PLCB1: variants seen among roughly 807,000 people sequenced by gnomAD.
PLCB1 encodes 1-phosphatidylinositol 4,5-bisphosphate phosphodiesterase beta-1.
PLCB1 carries 46 observed loss-of-function variants against 161.8 expected under a neutral mutation model. The ratio of observed to expected loss-of-function variants is 0.28; its 90% CI spans 0.22 to 0.36. PLCB1 has a LOEUF of 0.36. PLCB1 is among the 10% of genes least tolerant of loss of function. PLCB1 has a pLI of 1.00. For synonymous variants in PLCB1, 517 were observed against 503.7 expected, an observed-to-expected ratio of 1.03 and a Z score of -0.35; for missense variants, 1,016 against 1,472.5, an observed-to-expected ratio of 0.69 and a Z score of 5.07.
At chr20:8,651,273 A>G (rs1989314005) in intron 7 of PLCB1, 1 of 577,894 alleles carries the variant, frequency 1.7e-6, no homozygotes, top group Non-Finnish European at 3.1e-6. Context: ...TTGAATTATA[A>G]AAGTATTGAG....
At chr20:8,468,798 A>G (rs997026645) in intron 3 of PLCB1, among the ~76,000 whole-genome samples, 4 of 152,206 alleles carry the variant, frequency 2.6e-5, no homozygotes, top group Admixed American at 1.3e-4. Flanking sequence ...TATTCACAAC[A>G]GTGCTATAAA....
chr20:8,830,825 G>A (rs1405888814), intron 31 of PLCB1, among the ~76,000 whole-genome samples: 2 of 152,178 alleles, frequency 1.3e-5, no homozygotes, highest in African/African-American at 4.8e-5. Flanking sequence ...GTCACAAGGA[G>A]TCCAGAATCC....
chr20:8,677,661 A>G (rs140552492), intron 9 of PLCB1, among the ~76,000 whole-genome samples: 5 of 152,154 alleles, frequency 3.3e-5, no homozygotes, highest in African/African-American at 1.2e-4. Context: ...ACCTGTTTTT[A>G]GGATGGTGAA....
intron 2 of PLCB1, among the ~76,000 whole-genome samples, chr20:8,285,932 A>T (rs920444280): frequency 6.6e-6 from 1 of 152,180 alleles, no homozygotes; most frequent in Non-Finnish European, 1.5e-5. Context: ...TTTCTCAAAT[A>T]TTGATGGTAT....
chr20:8,568,100 TG>T (rs1327084707), intron 3 of PLCB1, among the ~76,000 whole-genome samples: 1 of 152,200 alleles, frequency 6.6e-6, no homozygotes, highest in Admixed American at 6.6e-5. Context: ...AAATGGGTCA[TG>T]TATTCTTGGA....
chr20:8,517,769 T>C (rs7273511), intron 3 of PLCB1, among the ~76,000 whole-genome samples: 48,807 of 152,076 alleles, frequency 0.32, 8,700 homozygotes, highest in African/African-American at 0.48. Flanking sequence ...ATTCAGGTGC[T>C]ATACAAGGTC....
chr20:8,335,693 G>A (rs1029178358), intron 2 of PLCB1, among the ~76,000 whole-genome samples: 2 of 152,094 alleles, frequency 1.3e-5, no homozygotes, highest in Non-Finnish European at 1.5e-5. Context: ...TCTGCTTCAG[G>A]AATGCATATC....
At chr20:8,710,252 A>G (rs1600267385) in intron 12 of PLCB1, among the ~76,000 whole-genome samples, 1 of 152,190 alleles carries the variant, frequency 6.6e-6, no homozygotes, top group Middle Eastern at 3.4e-3. Context: ...ACTAAGAGAG[A>G]GTGGGGAGGT....
chr20:8,383,739 T>C (rs548327019), intron 3 of PLCB1, among the ~76,000 whole-genome samples: 1 of 152,358 alleles, frequency 6.6e-6, no homozygotes, highest in South Asian at 2.1e-4. Context: ...CCCTCAGCAT[T>C]TGCTTGTCTG....
At chr20:8,709,554 T>G (rs147961400) in intron 12 of PLCB1, among the ~76,000 whole-genome samples, 1 of 152,274 alleles carries the variant, frequency 6.6e-6, no homozygotes, top group East Asian at 1.9e-4. Context: ...CCCTCCTTCC[T>G]ATTGGGAGTC....
intron 2 of PLCB1, among the ~76,000 whole-genome samples, chr20:8,226,033 C>T (rs150535298): frequency 6.6e-6 from 1 of 152,170 alleles, no homozygotes; most frequent in African/African-American, 2.4e-5. Flanking sequence ...TGTCTAGGCA[C>T]ATGGTAAGGG....
At chr20:8,150,190 A>G in intron 1 of PLCB1, 104 bp from the exon 2 acceptor site, 1 of 468,820 alleles carries the variant, frequency 2.1e-6, no homozygotes. Context: ...TTAATAATTG[A>G]CTACTTTGGA....
chr20:8,486,960 T>C (rs1053911465), intron 3 of PLCB1, among the ~76,000 whole-genome samples: 1 of 152,248 alleles, frequency 6.6e-6, no homozygotes, highest in Non-Finnish European at 1.5e-5. Flanking sequence ...AGGTTGCAGG[T>C]GGCATAAGGC....
intron 2 of PLCB1, among the ~76,000 whole-genome samples, chr20:8,260,943 G>T (rs1223665738): frequency 6.6e-6 from 1 of 152,114 alleles, no homozygotes; most frequent in African/African-American, 2.4e-5. Context: ...TCTGGAGACT[G>T]CCCATGGTCA....
At chr20:8,687,321 G>T (rs760434187) in intron 10 of PLCB1, among the ~76,000 whole-genome samples, 18 of 152,142 alleles carry the variant, frequency 1.2e-4, no homozygotes, top group Non-Finnish European at 5.9e-5. Context: ...CACTGTGCCT[G>T]TCCCCAATTT....
intron 3 of PLCB1, among the ~76,000 whole-genome samples, chr20:8,472,533 A>G (rs1568689308): frequency 6.6e-6 from 1 of 151,862 alleles, no homozygotes; most frequent in Admixed American, 6.6e-5. Context: ...TTATAGAACA[A>G]CTCTCTCTGG....
At chr20:8,535,105 TAA>T (rs10560220) in intron 3 of PLCB1, among the ~76,000 whole-genome samples, 9,562 of 108,180 alleles carry the variant, frequency 0.088, 568 homozygotes, top group East Asian at 0.2. Flanking sequence ...AGTTTTAAAG[TAA>T]AAAAAAAAAA....
At chr20:8,790,100 G>C in intron 30 of PLCB1, 75 bp from the exon 31 acceptor site, 1 of 964,638 alleles carries the variant, frequency 1.0e-6, no homozygotes, top group Non-Finnish European at 1.6e-6. Context: ...GATCTGAAAA[G>C]CTTTCGGTAT....
intron 3 of PLCB1, among the ~76,000 whole-genome samples, chr20:8,395,543 T>A (rs1190157424): frequency 6.6e-6 from 1 of 152,052 alleles, no homozygotes; most frequent in African/African-American, 2.4e-5. Flanking sequence ...TACATAATAT[T>A]GAAAAGGAAT....
Sources: allele counts gnomAD v4.1 joint callset (sites outside exome capture counted in the v4.1 genomes callset), GRCh38; gene constraint gnomAD v4.1.1; transcripts MANE v1.5; gene names NCBI Gene and HGNC (gene_info 2026-07-23, HGNC 2026-07-21).